Variants in EXD2 observed in about 807,000 individuals in gnomAD.
The protein encoded by EXD2 is exonuclease 3'-5' domain containing 2, also known as exonuclease 3'-5' domain-containing protein 2.
Under a neutral mutation model 62.5 loss-of-function variants are expected in EXD2, and 40 were observed. That is an observed-to-expected ratio of 0.64 (90% CI 0.50 to 0.83). EXD2 has a LOEUF of 0.83. EXD2 is among the 40% of genes least tolerant of loss of function. The probability of loss-of-function intolerance (pLI) is 0.00; values close to 1 mark genes in which losing one functional copy is unlikely to be tolerated. For missense variants in EXD2, 671 were observed against 761.8 expected (o/e 0.88, Z 1.40); for synonymous variants, 239 against 291.9 (o/e 0.82, Z 1.85).
At chr14:69,202,059 T>C (rs1037389352) in intron 1 of EXD2, among the ~76,000 whole-genome samples, 7 of 152,070 alleles carry the variant, frequency 4.6e-5, no homozygotes, top group African/African-American at 1.7e-4. Context: ...GGGAGGTTGA[T>C]GTGGGCAGAT....
At chr14:69,237,369 C>T (rs368119985) in intron 8 of EXD2, among the ~76,000 whole-genome samples, 59 of 152,288 alleles carry the variant, frequency 3.9e-4, no homozygotes, top group East Asian at 7.7e-4. Context: ...TCTGTACTTA[C>T]TTGCAGGAGA....
chr14:69,201,694 T>C, intron 1 of EXD2, among the ~76,000 whole-genome samples: 1 of 142,658 alleles, frequency 7.0e-6, no homozygotes, highest in African/African-American at 2.6e-5. Flanking sequence ...TTTTTTTTTT[T>C]TTTTTTGAGA....
At chr14:69,195,726 C>T (rs1452044071) in intron 1 of EXD2, among the ~76,000 whole-genome samples, 2 of 152,162 alleles carry the variant, frequency 1.3e-5, no homozygotes, top group African/African-American at 4.8e-5. Flanking sequence ...ATATTTCTGT[C>T]TTTCGAGATC....
At chr14:69,201,421 T>G (rs562605163) in intron 1 of EXD2, among the ~76,000 whole-genome samples, 1 of 152,158 alleles carries the variant, frequency 6.6e-6, no homozygotes, top group African/African-American at 2.4e-5. Flanking sequence ...ACTCCTGATC[T>G]CAGGTGATCC....
intron 4 of EXD2, among the ~76,000 whole-genome samples, chr14:69,229,526 C>T (rs895876282): frequency 3.3e-5 from 5 of 152,092 alleles, no homozygotes; most frequent in Admixed American, 6.5e-5. Flanking sequence ...TTTAGATGAG[C>T]GTGCTCTGTT....
intron 1 of EXD2, among the ~76,000 whole-genome samples, chr14:69,192,829 G>T (rs555377265): frequency 3.9e-5 from 6 of 152,180 alleles, no homozygotes; most frequent in Non-Finnish European, 7.4e-5. Context: ...CTTTCTACTT[G>T]CTCTGTAAAT....
intron 2 of EXD2, among the ~76,000 whole-genome samples, chr14:69,205,021 GCTGTT>G (rs2042540293): frequency 1.3e-5 from 2 of 152,154 alleles, no homozygotes; most frequent in African/African-American, 2.4e-5. Flanking sequence ...CCAGTTTTTG[GCTGTT>G]ACAAATAAGT....
rs150124827 is a variant in EXD2, at chr14:69,228,326, G to C, written c.334-490G>C. Among the ~76,000 whole-genome samples, 344 of 151,962 alleles carry C rather than the reference G, an allele frequency of 2.3e-3. 4 individuals carry two copies. The highest frequency in any genetic ancestry group is 3.9e-3 in the East Asian group (20 of 5,178). On this transcript the variant is annotated intron_variant, in intron 3 of 9. Transcript: ENST00000685843. Reference sequence around the variant, plus strand: ...CCTGCCTCAGGCTCCCATGTAGCTGGGATTACAGGCACATGCCACCATGCC... The same window carrying C: ...CCTGCCTCAGGCTCCCATGTAGCTGCGATTACAGGCACATGCCACCATGCC...
intron 1 of EXD2, among the ~76,000 whole-genome samples, chr14:69,194,315 T>A (rs1288088843): frequency 6.6e-6 from 1 of 151,946 alleles, no homozygotes; most frequent in Non-Finnish European, 1.5e-5. Context: ...ATTTTTTGTA[T>A]TTTTAGTAGA....
intron 3 of EXD2, among the ~76,000 whole-genome samples, chr14:69,212,640 C>T (rs1267807064): frequency 6.6e-6 from 1 of 150,762 alleles, no homozygotes; most frequent in Non-Finnish European, 1.5e-5. Context: ...TCTCAGCCTC[C>T]CATGTAGCTA....
intron 3 of EXD2, among the ~76,000 whole-genome samples, chr14:69,220,251 C>CTCTTTTTTTTTTTT (rs2043123001): frequency 1.7e-5 from 1 of 60,604 alleles, no homozygotes; most frequent in African/African-American, 7.0e-5. Context: ...TTTTGTCTCT[C>CTCTTTTTTTTTTTT]TGTTTTTTTT....
chr14:69,206,180 C>G (rs747524012), intron 2 of EXD2, among the ~76,000 whole-genome samples: 6 of 152,142 alleles, frequency 3.9e-5, no homozygotes, highest in Non-Finnish European at 7.3e-5. Context: ...CTTGGCCTCC[C>G]AAAGTGCTGG....
At chr14:69,192,939 T>C (rs1035337680) in intron 1 of EXD2, among the ~76,000 whole-genome samples, 1 of 152,168 alleles carries the variant, frequency 6.6e-6, no homozygotes, top group Non-Finnish European at 1.5e-5. Flanking sequence ...TGAGAGCCCA[T>C]GTGAGAGCAT....
rs756707495 is a variant in EXD2, at chr14:69,230,479, T to G, written c.598T>G (p.Leu200Val). Reference sequence around the variant, plus strand: ...TTTCTTTGTTTCTTTTAGAAACAATTTGCTCTGTAATGGGCTTAGCCTGAA... The same window carrying G: ...TTTCTTTGTTTCTTTTAGAAACAATGTGCTCTGTAATGGGCTTAGCCTGAA... ...RYLAMRQRNNLLCNGLSLKSL... is the reference protein window; with the variant it reads ...RYLAMRQRNNVLCNGLSLKSL... The change falls in exon 5 of 10, where the codon TTG (leucine) becomes GTG (valine). Residue 200 changes from leucine (L) to valine (V), a missense_variant. Physicochemically the swap from Leu to Val is conservative, Grantham distance 32 (BLOSUM62 1). Transcript: ENST00000685843. 10 of 1,594,412 alleles carry G rather than the reference T, an allele frequency of 6.3e-6. No homozygotes were observed. The highest frequency in any genetic ancestry group is 6.8e-6 in the Non-Finnish European group (8 of 1,170,780).
rs867401200 is a variant in EXD2 at position 69,205,302 on chromosome 14, C to T, written c.-48+1302C>T. 3.3e-5 allele frequency among the ~76,000 whole-genome samples: 5 copies of T among 152,200 alleles called. No homozygotes were observed. In the South Asian group the frequency reaches 6.2e-4, roughly 19 times the overall value. ...CTGGGCTCAAGTGATGCTCCCACCTCGGCCTCCCAAAGCGTTGAGATTACA... is the reference window on the plus strand; with the variant it reads ...CTGGGCTCAAGTGATGCTCCCACCTTGGCCTCCCAAAGCGTTGAGATTACA... On this transcript the variant is annotated intron_variant, in intron 2 of 9. Coordinates refer to ENST00000685843, the MANE Select transcript of EXD2 (RefSeq NM_001193360.2).
At chr14:69,236,670 C>A (rs2043802972) in intron 8 of EXD2, 128 bp downstream of exon 8, 12 of 1,224,886 alleles carry the variant, frequency 9.8e-6, no homozygotes, top group African/African-American at 1.5e-5. Flanking sequence ...TTCCTAGTAT[C>A]CAGCTTCCCC....
At chr14:69,208,334 C>T (rs964635471) in intron 2 of EXD2, among the ~76,000 whole-genome samples, 1 of 151,820 alleles carries the variant, frequency 6.6e-6, no homozygotes, top group Non-Finnish European at 1.5e-5. Context: ...CCTCAGCCTC[C>T]CAAGTAGCTG....
At chr14:69,211,091 T>C (rs1356323324) in intron 3 of EXD2, among the ~76,000 whole-genome samples, 1 of 152,168 alleles carries the variant, frequency 6.6e-6, no homozygotes, top group Non-Finnish European at 1.5e-5. Flanking sequence ...CTTCCTTTCA[T>C]GAGAGATTTT....
chr14:69,195,594 G>A lies in EXD2; in HGVS notation c.-132+4003G>A, dbSNP rs148880570. On this transcript the variant is annotated intron_variant, in intron 1 of 9. Transcript: ENST00000685843. ...ATGATTTTAGTATATTCATAGAGTC[G>A]TGCAAACATCACCGTAGTCTAATTT... Among the ~76,000 whole-genome samples the A allele has an allele frequency of 1.5e-4, 23 of 152,172 alleles. 1 individual carries two copies. The highest frequency in any genetic ancestry group is 2.8e-4 in the Non-Finnish European group (19 of 68,034).
Sources: allele counts gnomAD v4.1 joint callset (sites outside exome capture counted in the v4.1 genomes callset), GRCh38; gene constraint gnomAD v4.1.1; transcripts MANE v1.5; gene names NCBI Gene and HGNC (gene_info 2026-07-23, HGNC 2026-07-21).